SPOCK1: variants seen among roughly 807,000 people sequenced by gnomAD.
The protein encoded by SPOCK1 is testican-1.
In SPOCK1, 23 loss-of-function variants were observed where a neutral mutation model predicts 55.3. The observed-to-expected ratio is 0.42, with a 90% CI of 0.30 to 0.59. The LOEUF (loss-of-function observed/expected upper bound fraction) is 0.59, where lower values mean the gene tolerates loss of function less well. Ranked by LOEUF, SPOCK1 falls within the 20% of genes least tolerant of loss-of-function variation. The pLI is 0.22. For missense variants in SPOCK1, 499 were observed against 552.5 expected (o/e 0.90, Z 0.97); for synonymous variants, 226 against 221.0 (o/e 1.02, Z -0.20).
intron 5 of SPOCK1, among the ~76,000 whole-genome samples, chr5:137,098,203 G>A (rs1753191500): frequency 1.7e-5 from 1 of 59,514 alleles, no homozygotes; most frequent in African/African-American, 9.4e-5. Flanking sequence ...GGAAACTGGA[G>A]AGCATAGGAA....
At chr5:137,263,815 C>T (rs1466271515) in intron 3 of SPOCK1, among the ~76,000 whole-genome samples, 1 of 152,118 alleles carries the variant, frequency 6.6e-6, no homozygotes, top group Non-Finnish European at 1.5e-5. Context: ...GGCCATTATA[C>T]TCCACTGACA....
intron 5 of SPOCK1, among the ~76,000 whole-genome samples, chr5:137,100,408 G>C (rs577666969): frequency 2.0e-5 from 3 of 152,206 alleles, no homozygotes; most frequent in Non-Finnish European, 2.9e-5. Context: ...GGCTGGACTA[G>C]ATAGCTTCCA....
chr5:137,471,946 C>T (rs1247455971), intron 2 of SPOCK1, among the ~76,000 whole-genome samples: 2 of 152,176 alleles, frequency 1.3e-5, no homozygotes, highest in Admixed American at 1.3e-4. Context: ...AGTGACTTCA[C>T]TCAGGTAGAC....
intron 6 of SPOCK1, among the ~76,000 whole-genome samples, chr5:137,038,840 G>C (rs1358213200): frequency 2.0e-5 from 3 of 152,070 alleles, no homozygotes; most frequent in Non-Finnish European, 2.9e-5. Context: ...ACCCCTAGAA[G>C]GTATAAGCTC....
chr5:137,351,210 C>T (rs757098850), intron 2 of SPOCK1, among the ~76,000 whole-genome samples: 5 of 152,150 alleles, frequency 3.3e-5, no homozygotes, highest in African/African-American at 4.8e-5. Flanking sequence ...CACTGGATCC[C>T]CACCTCCCAC....
At chr5:137,135,664 T>C (rs1176798115) in intron 4 of SPOCK1, among the ~76,000 whole-genome samples, 1 of 152,202 alleles carries the variant, frequency 6.6e-6, no homozygotes, top group Non-Finnish European at 1.5e-5. Context: ...TGAGGACAAA[T>C]AACCTGCTTT....
intron 2 of SPOCK1, among the ~76,000 whole-genome samples, chr5:137,411,736 G>A (rs1357903911): frequency 6.6e-6 from 1 of 152,176 alleles, no homozygotes; most frequent in African/African-American, 2.4e-5. Context: ...AGGGCCTTGT[G>A]AGGCTCCCAT....
At chr5:137,223,121 C>T (rs935143572) in intron 3 of SPOCK1, among the ~76,000 whole-genome samples, 1 of 151,750 alleles carries the variant, frequency 6.6e-6, no homozygotes, top group African/African-American at 2.4e-5. Flanking sequence ...AAAAATAAAG[C>T]AGGGAAAGGA....
At chr5:137,192,254 A>T (rs935092288) in intron 3 of SPOCK1, among the ~76,000 whole-genome samples, 1 of 149,548 alleles carries the variant, frequency 6.7e-6, no homozygotes, top group Non-Finnish European at 1.5e-5. Context: ...AAAAAAAAAA[A>T]AGAAAAGGAA....
chr5:137,098,784 T>C (rs546459081), intron 5 of SPOCK1, among the ~76,000 whole-genome samples: 2 of 152,322 alleles, frequency 1.3e-5, no homozygotes, highest in African/African-American at 2.4e-5. Context: ...CGTTTATTCT[T>C]GCCATACCAT....
chr5:137,440,893 GAGCA>G (rs1368155657), intron 2 of SPOCK1, among the ~76,000 whole-genome samples: 1 of 152,240 alleles, frequency 6.6e-6, no homozygotes, highest in Non-Finnish European at 1.5e-5. Context: ...CCTGCTGAGA[GAGCA>G]AGCAAATCCT....
intron 2 of SPOCK1, among the ~76,000 whole-genome samples, chr5:137,347,959 AC>A (rs1239805267): frequency 6.6e-6 from 1 of 152,300 alleles, no homozygotes; most frequent in Non-Finnish European, 1.5e-5. Flanking sequence ...GTTAAAATGC[AC>A]ATTCTGATTC....
intron 2 of SPOCK1, among the ~76,000 whole-genome samples, chr5:137,453,546 C>A (rs1199353893): frequency 6.6e-6 from 1 of 152,152 alleles, no homozygotes; most frequent in Non-Finnish European, 1.5e-5. Flanking sequence ...CCGCAATTTT[C>A]TATTTCATTC....
intron 2 of SPOCK1, among the ~76,000 whole-genome samples, chr5:137,336,765 T>C (rs1032389603): frequency 6.6e-6 from 1 of 152,204 alleles, no homozygotes; most frequent in Non-Finnish European, 1.5e-5. Flanking sequence ...ACAAAATAAA[T>C]TCCTCTCTGA....
At chr5:136,980,186 A>G (rs1228628553) in intron 9 of SPOCK1, among the ~76,000 whole-genome samples, 1 of 151,248 alleles carries the variant, frequency 6.6e-6, no homozygotes, top group Admixed American at 6.6e-5. Flanking sequence ...GCAGGCAAAA[A>G]AAAAAAAAAA....
intron 3 of SPOCK1, among the ~76,000 whole-genome samples, chr5:137,140,970 G>A (rs1437599999): frequency 6.6e-6 from 1 of 151,970 alleles, no homozygotes; most frequent in African/African-American, 2.4e-5. Flanking sequence ...ATGTTGGCCA[G>A]GCTGGTCTCA....
intron 2 of SPOCK1, among the ~76,000 whole-genome samples, chr5:137,466,386 C>G (rs1753624701): frequency 6.6e-6 from 1 of 152,216 alleles, no homozygotes; most frequent in Admixed American, 6.5e-5. Context: ...AGACAGGGTC[C>G]AAGCTGAGGC....
chr5:137,341,033 C>T (rs969452165), intron 2 of SPOCK1, among the ~76,000 whole-genome samples: 1 of 152,208 alleles, frequency 6.6e-6, no homozygotes, highest in African/African-American at 2.4e-5. Context: ...GGACCATAGG[C>T]CTGATCCCTC....
chr5:137,299,929 T>C (rs1277147098), intron 2 of SPOCK1, among the ~76,000 whole-genome samples: 1 of 152,218 alleles, frequency 6.6e-6, no homozygotes, highest in East Asian at 1.9e-4. Flanking sequence ...GCTGTATCTA[T>C]AAATTAATGT....
Sources: allele counts gnomAD v4.1 joint callset (sites outside exome capture counted in the v4.1 genomes callset), GRCh38; gene constraint gnomAD v4.1.1; transcripts MANE v1.5; gene names NCBI Gene and HGNC (gene_info 2026-07-23, HGNC 2026-07-21).